MAF: variants seen among roughly 807,000 people sequenced by gnomAD.
MAF encodes MAF bZIP transcription factor, also known as transcription factor Maf.
A neutral mutation model predicts 22.0 loss-of-function variants in MAF; 10 were observed. The observed-to-expected ratio is 0.45, with a 90% CI of 0.28 to 0.77. MAF has a LOEUF of 0.77. Among genes scored for constraint, MAF ranks in the 30% least tolerant of loss-of-function variants. MAF has a pLI of 0.12. For synonymous variants in MAF, 337 were observed against 255.8 expected, an observed-to-expected ratio of 1.32 and a Z score of -3.03; for missense variants, 544 against 548.4, an observed-to-expected ratio of 0.99 and a Z score of 0.08.
the MAF span, among the ~76,000 whole-genome samples, chr16:79,252,221 C>G: frequency 6.6e-6 from 1 of 152,012 alleles, no homozygotes; most frequent in African/African-American, 2.4e-5. Flanking sequence ...TAATTCTGCC[C>G]TCCCAACACG....
At chr16:79,584,166 C>G (rs1234928103), downstream of MAF, among the ~76,000 whole-genome samples, 2 of 152,024 alleles carry the variant, frequency 1.3e-5, no homozygotes, top group African/African-American at 4.8e-5. Flanking sequence ...GTTTTTATAT[C>G]CTAGCCTAGA....
the MAF span, chr16:79,204,168 A>C: frequency 6.6e-6 from 1 of 152,194 alleles, no homozygotes; most frequent in African/African-American, 2.4e-5. Context: ...ATCCCTATTC[A>C]TAAAGAAACT....
chr16:79,333,765 T>C, the MAF span, among the ~76,000 whole-genome samples: 1 of 152,182 alleles, frequency 6.6e-6, no homozygotes, highest in African/African-American at 2.4e-5. Context: ...GATCTGGTGA[T>C]ATCACCACAT....
At chr16:79,235,663 T>C in the MAF span, among the ~76,000 whole-genome samples, 2 of 152,006 alleles carry the variant, frequency 1.3e-5, no homozygotes, top group Non-Finnish European at 2.9e-5. Context: ...TCTACGGTAA[T>C]AGAAGGAGAA....
chr16:79,350,110 C>A, the MAF span, among the ~76,000 whole-genome samples: 1 of 152,192 alleles, frequency 6.6e-6, no homozygotes, highest in African/African-American at 2.4e-5. Flanking sequence ...TTCTCCCCAA[C>A]CCCAGCTCTT....
chr16:79,368,422 T>G, the MAF span, among the ~76,000 whole-genome samples: 1 of 152,240 alleles, frequency 6.6e-6, no homozygotes, highest in Admixed American at 6.5e-5. Context: ...GGGTCTACGA[T>G]TGTGTATTTT....
the MAF span, among the ~76,000 whole-genome samples, chr16:79,408,950 GC>G: frequency 3.2e-5 from 1 of 31,164 alleles, no homozygotes; most frequent in African/African-American, 1.2e-4. Context: ...ATTTTTTACT[GC>G]TTTTTTTTTT....
chr16:79,529,305 C>G, the MAF span, among the ~76,000 whole-genome samples: 1 of 152,106 alleles, frequency 6.6e-6, no homozygotes, highest in Non-Finnish European at 1.5e-5. Flanking sequence ...CCAGTCTCTA[C>G]CCCTCTCTAG....
At chr16:79,597,978 C>G (rs1356853104) in intron 1 of MAF, 2 of 1,043,506 alleles carry the variant, frequency 1.9e-6, no homozygotes, top group Admixed American at 5.6e-5. Context: ...AAGTCACACC[C>G]AGAAGGTTGA....
At chr16:79,309,695 G>A in the MAF span, among the ~76,000 whole-genome samples, 1 of 152,162 alleles carries the variant, frequency 6.6e-6, no homozygotes, top group Non-Finnish European at 1.5e-5. Context: ...TTAGAAGTGT[G>A]CTCCCTGTAT....
downstream of MAF, among the ~76,000 whole-genome samples, chr16:79,583,199 A>G (rs1912631729): frequency 6.6e-6 from 1 of 152,212 alleles, no homozygotes; most frequent in African/African-American, 2.4e-5. Flanking sequence ...GCAAGATAGA[A>G]ACAAGATTTC....
chr16:79,584,432 C>T (rs188366977), downstream of MAF, among the ~76,000 whole-genome samples: 7 of 152,328 alleles, frequency 4.6e-5, no homozygotes, highest in East Asian at 1.2e-3. Flanking sequence ...GACCAAATGC[C>T]TTTCTCTTCC....
chr16:79,477,433 G>A, the MAF span, among the ~76,000 whole-genome samples: 1 of 152,182 alleles, frequency 6.6e-6, no homozygotes, highest in Admixed American at 6.5e-5. Flanking sequence ...TGGCTGTCTT[G>A]CGTAGGAAAC....
chr16:79,558,361 C>A, the MAF span, among the ~76,000 whole-genome samples: 1 of 152,116 alleles, frequency 6.6e-6, no homozygotes, highest in Non-Finnish European at 1.5e-5. Context: ...GTCCATCAAC[C>A]CACTGTCAAA....
the MAF span, among the ~76,000 whole-genome samples, chr16:79,414,748 T>C: frequency 6.6e-6 from 1 of 152,230 alleles, no homozygotes; most frequent in South Asian, 2.1e-4. Flanking sequence ...AATGGAGTTT[T>C]GTTAATCAGG....
the MAF span, among the ~76,000 whole-genome samples, chr16:79,526,477 C>T: frequency 1.3e-5 from 2 of 152,124 alleles, no homozygotes; most frequent in Admixed American, 6.5e-5. Flanking sequence ...CTGTGCAGCC[C>T]GGTTCCTTAA....
chr16:79,328,808 C>T, the MAF span, among the ~76,000 whole-genome samples: 2 of 152,200 alleles, frequency 1.3e-5, no homozygotes, highest in African/African-American at 2.4e-5. Flanking sequence ...TTGCTCCAGC[C>T]TCTCTCTGTC....
the MAF span, among the ~76,000 whole-genome samples, chr16:79,352,919 GA>G: frequency 6.6e-6 from 1 of 152,150 alleles, no homozygotes; most frequent in Non-Finnish European, 1.5e-5. Context: ...AATCAAGTGG[GA>G]TATGGTGCCT....
At chr16:79,589,188 G>C (rs30406), downstream of MAF, among the ~76,000 whole-genome samples, 1 of 152,080 alleles carries the variant, frequency 6.6e-6, no homozygotes, top group Non-Finnish European at 1.5e-5. Context: ...TCATGGAAAA[G>C]ATGCTTTCTG....
Sources: gnomAD v4.1 joint callset for allele counts (sites outside exome capture counted in the v4.1 genomes callset) on GRCh38, gnomAD v4.1.1 for gene constraint, MANE v1.5 for transcripts, NCBI Gene and HGNC (gene_info 2026-07-23, HGNC 2026-07-21) for gene names.